The following KCNH7 variants were observed in gnomAD, a reference collection of about 807,000 sequenced individuals.
KCNH7 encodes voltage-gated inwardly rectifying potassium channel KCNH7.
A neutral mutation model predicts 120.8 loss-of-function variants in KCNH7; 49 were observed. That is an observed-to-expected ratio of 0.41 (90% CI 0.32 to 0.51). The LOEUF (loss-of-function observed/expected upper bound fraction) is 0.51, where lower values mean the gene tolerates loss of function less well. Among genes scored for constraint, KCNH7 ranks in the 20% least tolerant of loss-of-function variants. The pLI, the probability that KCNH7 is intolerant of heterozygous loss-of-function variation, is 0.38. For synonymous variants in KCNH7, 547 were observed against 516.1 expected (o/e 1.06, Z -0.81); for missense variants, 1,097 against 1,446.6 (o/e 0.76, Z 3.92).
At chr2:162,425,758 A>G (rs1687839505) in intron 8 of KCNH7, among the ~76,000 whole-genome samples, 1 of 152,156 alleles carries the variant, frequency 6.6e-6, no homozygotes, top group Non-Finnish European at 1.5e-5. Context: ...ATTCTTATTT[A>G]TTAAATAGAT....
chr2:162,440,077 T>C (rs1688373609), intron 7 of KCNH7, among the ~76,000 whole-genome samples: 1 of 151,648 alleles, frequency 6.6e-6, no homozygotes, highest in African/African-American at 2.4e-5. Context: ...GACTCATTAA[T>C]AAGAAAAAAT....
chr2:162,557,823 G>C (rs1242374589), intron 2 of KCNH7, among the ~76,000 whole-genome samples: 1 of 152,044 alleles, frequency 6.6e-6, no homozygotes, highest in Non-Finnish European at 1.5e-5. Context: ...TTATTTGATA[G>C]TTGCTGATTA....
chr2:162,561,079 G>A (rs1366101539), intron 2 of KCNH7, among the ~76,000 whole-genome samples: 1 of 150,712 alleles, frequency 6.6e-6, no homozygotes, highest in Non-Finnish European at 1.5e-5. Flanking sequence ...ATCTGGAAAT[G>A]TTGTTTTTAC....
chr2:162,708,671 G>A (rs78758984), intron 2 of KCNH7, among the ~76,000 whole-genome samples: 168 of 152,204 alleles, frequency 1.1e-3, no homozygotes, highest in African/African-American at 3.8e-3. Context: ...GAGTGCCAAA[G>A]AGAACCACTA....
At chr2:162,425,705 T>C (rs1317082915) in intron 8 of KCNH7, among the ~76,000 whole-genome samples, 2 of 152,166 alleles carry the variant, frequency 1.3e-5, no homozygotes, top group African/African-American at 4.8e-5. Context: ...AGGAAACACA[T>C]GTTTTACCTA....
chr2:162,468,392 A>G (rs1024916175), intron 6 of KCNH7, among the ~76,000 whole-genome samples: 1 of 152,110 alleles, frequency 6.6e-6, no homozygotes, highest in African/African-American at 2.4e-5. Flanking sequence ...AAATTTGCTT[A>G]TGATCTAATT....
chr2:162,378,278 G>C (rs59465038), intron 14 of KCNH7, among the ~76,000 whole-genome samples: 1 of 152,168 alleles, frequency 6.6e-6, no homozygotes, highest in Non-Finnish European at 1.5e-5. Flanking sequence ...AAATTTAAAT[G>C]ATTTGACCCA....
At chr2:162,838,355 G>A (rs1365667532) in intron 1 of KCNH7, 88 bp downstream of exon 1, 14 of 1,076,828 alleles carry the variant, frequency 1.3e-5, no homozygotes, top group South Asian at 9.1e-5. Flanking sequence ...GCCTGGAGTT[G>A]CCGGTCTCCC....
chr2:162,653,632 A>C (rs1684643354), intron 2 of KCNH7, among the ~76,000 whole-genome samples: 1 of 152,200 alleles, frequency 6.6e-6, no homozygotes, highest in Non-Finnish European at 1.5e-5. Flanking sequence ...CATTTTTCAC[A>C]GAAGTGGAAA....
chr2:162,390,386 A>C (rs1053215765), intron 12 of KCNH7, among the ~76,000 whole-genome samples: 3 of 151,778 alleles, frequency 2.0e-5, no homozygotes, highest in Admixed American at 1.3e-4. Flanking sequence ...AGTGAACACA[A>C]CATAAAATTT....
intron 2 of KCNH7, among the ~76,000 whole-genome samples, chr2:162,713,738 T>C (rs1438705807): frequency 6.6e-6 from 1 of 152,134 alleles, no homozygotes; most frequent in Non-Finnish European, 1.5e-5. Flanking sequence ...TTGTTGTTTT[T>C]CTTTTTTGTT....
chr2:162,775,200 T>TA (rs999012565), intron 2 of KCNH7, among the ~76,000 whole-genome samples: 11 of 151,828 alleles, frequency 7.2e-5, no homozygotes, highest in Admixed American at 1.3e-4. Flanking sequence ...ACTAGTTTAG[T>TA]AAAAAAAAAT....
At chr2:162,479,229 A>G (rs1413881528) in intron 6 of KCNH7, among the ~76,000 whole-genome samples, 1 of 150,662 alleles carries the variant, frequency 6.6e-6, no homozygotes, top group African/African-American at 2.4e-5. Flanking sequence ...ATATTCATTG[A>G]TAAGTTGAAT....
At chr2:162,803,828 T>G (rs544072277) in intron 2 of KCNH7, among the ~76,000 whole-genome samples, 1 of 151,878 alleles carries the variant, frequency 6.6e-6, no homozygotes, top group African/African-American at 2.4e-5. Context: ...TTTTCTTGTG[T>G]TTGCATTTTT....
rs1686922036 is a variant in KCNH7 at position 162,396,735 on chromosome 2, T to C, written c.2613+5A>G. ...TACAGACATAAGCAAACAGTTAACA[T>C]ATACCTTTGCGCTCTCATGCCTTAG... On this transcript the variant is annotated splice_donor_5th_base_variant and intron_variant, in intron 11 of 15. Coordinates refer to ENST00000332142, the MANE Select transcript of KCNH7 (RefSeq NM_033272.4). The C allele has an allele frequency of 1.3e-6, 2 of 1,598,630 alleles. No individual in the cohort carries two copies. Among genetic ancestry groups the C allele is most frequent in the South Asian group, 1.1e-5 (1 of 90,614 alleles).
intron 2 of KCNH7, among the ~76,000 whole-genome samples, chr2:162,584,836 TCTC>T (rs1693975877): frequency 7.8e-6 from 1 of 127,730 alleles, no homozygotes; most frequent in Admixed American, 9.0e-5. Context: ...CCTAATTCAT[TCTC>T]CTTTTAATTT....
intron 2 of KCNH7, among the ~76,000 whole-genome samples, chr2:162,568,195 A>C (rs1693325221): frequency 6.6e-6 from 1 of 152,020 alleles, no homozygotes; most frequent in Non-Finnish European, 1.5e-5. Context: ...CACTATCACG[A>C]GAACAACATG....
At chr2:162,514,095 G>A (rs917039673) in intron 4 of KCNH7, among the ~76,000 whole-genome samples, 1 of 151,702 alleles carries the variant, frequency 6.6e-6, no homozygotes, top group African/African-American at 2.4e-5. Context: ...TGATATCTAT[G>A]CTAACACTGT....
chr2:162,624,889 G>GTTTTTT (rs66562676), intron 2 of KCNH7, among the ~76,000 whole-genome samples: 48 of 69,718 alleles, frequency 6.9e-4, no homozygotes, highest in South Asian at 1.3e-3. Context: ...TGCACTCTTG[G>GTTTTTT]TTTTTTTTTT....
Sources: allele counts gnomAD v4.1 joint callset (sites outside exome capture counted in the v4.1 genomes callset), GRCh38; gene constraint gnomAD v4.1.1; transcripts MANE v1.5; gene names NCBI Gene and HGNC (gene_info 2026-07-23, HGNC 2026-07-21).